ANKRD30B: variants seen among roughly 807,000 people sequenced by gnomAD.
The protein encoded by ANKRD30B is ankyrin repeat domain 30B.
In ANKRD30B, 144 loss-of-function variants were observed where a neutral mutation model predicts 202.2. The observed-to-expected ratio is 0.71, with a 90% CI of 0.62 to 0.82. The LOEUF (loss-of-function observed/expected upper bound fraction) is 0.82, where lower values mean the gene tolerates loss of function less well. Among genes scored for constraint, ANKRD30B ranks in the 40% least tolerant of loss-of-function variants. The probability of loss-of-function intolerance (pLI) is 0.00; values close to 1 mark genes in which losing one functional copy is unlikely to be tolerated. For synonymous variants in ANKRD30B, 508 were observed against 561.3 expected (o/e 0.91, Z 1.34); for missense variants, 1,487 against 1,669.1 (o/e 0.89, Z 1.90).
chr18:14,760,498 A>G, intron 5 of ANKRD30B, 56 bp from the exon 6 acceptor site: 3 of 996,662 alleles, frequency 3.0e-6, no homozygotes, highest in South Asian at 3.2e-5. Context: ...AATTTGGTAA[A>G]TGTTTTTTAT....
At chr18:14,924,197 A>C in the ANKRD30B span, among the ~76,000 whole-genome samples, 1 of 152,206 alleles carries the variant, frequency 6.6e-6, no homozygotes, top group African/African-American at 2.4e-5. Flanking sequence ...GTTAGAAATA[A>C]AATGAACAGT....
intron 4 of ANKRD30B, among the ~76,000 whole-genome samples, chr18:14,756,227 C>T (rs549765256): frequency 0.011 from 1,668 of 152,240 alleles, 39 homozygotes; most frequent in African/African-American, 0.038. Flanking sequence ...TGTTCATACC[C>T]TTTGCCCACT....
chr18:14,772,030 C>A, intron 8 of ANKRD30B, 126 bp from the exon 9 acceptor site: 1 of 483,206 alleles, frequency 2.1e-6, no homozygotes, highest in Non-Finnish European at 3.6e-6. Context: ...ATACAGAGGA[C>A]TGGTCTTTCC....
intron 15 of ANKRD30B, among the ~76,000 whole-genome samples, chr18:14,790,999 C>A (rs1299819996): frequency 6.6e-6 from 1 of 152,094 alleles, no homozygotes; most frequent in Non-Finnish European, 1.5e-5. Flanking sequence ...TGGAAGAATT[C>A]GGCTGTAAAT....
chr18:14,848,409 A>G (rs1971742341), intron 39 of ANKRD30B, among the ~76,000 whole-genome samples: 1 of 152,066 alleles, frequency 6.6e-6, no homozygotes, highest in Admixed American at 6.6e-5. Context: ...GTAGCCATAC[A>G]TTCCTCGGGG....
intron 24 of ANKRD30B, among the ~76,000 whole-genome samples, chr18:14,804,841 A>C (rs1015815996): frequency 6.6e-6 from 1 of 150,862 alleles, no homozygotes; most frequent in Non-Finnish European, 1.5e-5. Flanking sequence ...TAAAGAAGAG[A>C]GATTATGAGG....
intron 30 of ANKRD30B, among the ~76,000 whole-genome samples, chr18:14,821,543 C>G (rs896391448): frequency 6.6e-6 from 1 of 152,144 alleles, no homozygotes; most frequent in Non-Finnish European, 1.5e-5. Context: ...CTGCCACCTC[C>G]GCCTCCTGGG....
intron 16 of ANKRD30B, among the ~76,000 whole-genome samples, chr18:14,795,039 T>C (rs1476626347): frequency 6.6e-6 from 1 of 152,202 alleles, no homozygotes; most frequent in Non-Finnish European, 1.5e-5. Flanking sequence ...GTATAACAAA[T>C]AGAATTAGTT....
At chr18:14,923,823 G>A in the ANKRD30B span, among the ~76,000 whole-genome samples, 10 of 152,304 alleles carry the variant, frequency 6.6e-5, no homozygotes, top group East Asian at 1.9e-3. Context: ...GTCTCTCTCT[G>A]TGTGTTGAGC....
At chr18:14,766,852 T>C (rs1916310750) in intron 7 of ANKRD30B, among the ~76,000 whole-genome samples, 2 of 152,088 alleles carry the variant, frequency 1.3e-5, no homozygotes, top group Admixed American at 1.3e-4. Flanking sequence ...TAATGAAAAG[T>C]AGGAGAGGAG....
the ANKRD30B span, among the ~76,000 whole-genome samples, chr18:14,906,152 T>C: frequency 4.4e-4 from 67 of 152,282 alleles, 1 homozygote; most frequent in Middle Eastern, 6.8e-3. Context: ...ATGGTATGCC[T>C]GGCATGGTCC....
intron 34 of ANKRD30B, among the ~76,000 whole-genome samples, chr18:14,836,352 A>G (rs1192079267): frequency 5.3e-5 from 8 of 152,132 alleles, no homozygotes; most frequent in Non-Finnish European, 1.2e-4. Context: ...GGAAGTAGCC[A>G]TGAAATGCTC....
chr18:14,928,981 A>T, the ANKRD30B span, among the ~76,000 whole-genome samples: 1 of 152,154 alleles, frequency 6.6e-6, no homozygotes, highest in Non-Finnish European at 1.5e-5. Flanking sequence ...TATTCCTCTG[A>T]TTAAAAATGA....
chr18:14,803,702 T>C (rs1969332262), intron 23 of ANKRD30B, 32 bp from the exon 24 acceptor site: 4 of 1,553,432 alleles, frequency 2.6e-6, no homozygotes, highest in Admixed American at 3.8e-5. Context: ...GATTTCTCCA[T>C]TGAAATTATT....
intron 30 of ANKRD30B, among the ~76,000 whole-genome samples, chr18:14,819,423 A>G (rs991018426): frequency 3.3e-5 from 5 of 149,716 alleles, no homozygotes; most frequent in Non-Finnish European, 6.0e-5. Context: ...TGTTTTAGAC[A>G]TGAAGTCCTT....
intron 30 of ANKRD30B, among the ~76,000 whole-genome samples, chr18:14,819,867 A>G (rs1465307222): frequency 6.6e-6 from 1 of 152,124 alleles, no homozygotes; most frequent in Non-Finnish European, 1.5e-5. Context: ...GTTCCATATG[A>G]ACTTTAAAGT....
chr18:14,790,785 G>A lies in ANKRD30B; in HGVS notation c.1735-616G>A, dbSNP rs532204164. Among the ~76,000 whole-genome samples the A allele has an allele frequency of 2.0e-4, 31 of 151,884 alleles. No homozygotes were observed. In the East Asian group the frequency reaches 3.7e-3, roughly 18 times the overall value. ...AGCTTTTTGATGTGCTGCTGGATTC[G>A]GTTTGCCAGTATTTTATTGAGGATT... On this transcript the variant is annotated intron_variant, in intron 15 of 43. Coordinates refer to ENST00000690538, the MANE Select transcript of ANKRD30B (RefSeq NM_001367607.2).
At chr18:14,797,965 A>T in intron 20 of ANKRD30B, 111 bp downstream of exon 20, 1 of 1,053,650 alleles carries the variant, frequency 9.5e-7, no homozygotes, top group Non-Finnish European at 1.4e-6. Context: ...TGATGGGAAA[A>T]TTTGATACAA....
At chr18:14,819,145 C>A (rs1049997321) in intron 30 of ANKRD30B, among the ~76,000 whole-genome samples, 17 of 149,552 alleles carry the variant, frequency 1.1e-4, no homozygotes, top group East Asian at 3.9e-4. Context: ...TGTTTTTTGG[C>A]TGCATAAATG....
Sources: allele counts gnomAD v4.1 joint callset (sites outside exome capture counted in the v4.1 genomes callset), GRCh38; gene constraint gnomAD v4.1.1; transcripts MANE v1.5; gene names NCBI Gene and HGNC (gene_info 2026-07-23, HGNC 2026-07-21).